DNAH8: variants seen among roughly 807,000 people sequenced by gnomAD.
The protein encoded by DNAH8 is axonemal beta dynein heavy chain 8.
DNAH8 carries 382 observed loss-of-function variants against 562.1 expected under a neutral mutation model. The observed-to-expected ratio is 0.68, with a 90% CI of 0.63 to 0.74. The LOEUF (loss-of-function observed/expected upper bound fraction) is 0.74. Ranked by LOEUF, DNAH8 falls within the 30% of genes least tolerant of loss-of-function variation. The pLI, the probability that DNAH8 is intolerant of heterozygous loss-of-function variation, is 0.00. For missense variants in DNAH8, 5,203 were observed against 5,620.4 expected (o/e 0.93, Z 2.37); for synonymous variants, 1,881 against 1,919.4 (o/e 0.98, Z 0.52).
Position 38,949,411 on chromosome 6 carries a change from C to T in DNAH8, c.12130-41C>T, listed in dbSNP as rs753540282. 5 of 1,190,918 alleles carry T rather than the reference C, an allele frequency of 4.2e-6. No individual in the cohort carries two copies. In the African/African-American group the frequency reaches 6.0e-5, roughly 14 times the overall value. The allele number at this position is 1,190,918 out of a possible 1,614,324, so 73.8% of individuals were successfully genotyped here. On this transcript the variant is annotated intron_variant, in intron 80 of 92. Transcript: ENST00000327475. Reference sequence around the variant, plus strand: ...AATCCTTTGTAATATATTCCACTTACATATAGTTCTGTGGCTTGCTAATTG... The same window carrying T: ...AATCCTTTGTAATATATTCCACTTATATATAGTTCTGTGGCTTGCTAATTG...
Position 38,862,291 on chromosome 6 carries a change from CGT to C in DNAH8, c.6144_6145del (p.Leu2049SerfsTer66), listed in dbSNP as rs1563028646. The C allele has an allele frequency of 6.2e-7, 1 of 1,613,244 alleles. No individual in the cohort carries two copies. Among genetic ancestry groups the C allele is most frequent in the Non-Finnish European group, 8.5e-7 (1 of 1,179,654 alleles). On this transcript the variant is annotated frameshift_variant, in exon 44 of 93. Coordinates refer to ENST00000327475, the MANE Select transcript of DNAH8 (RefSeq NM_001206927.2). LOFTEE classifies it high-confidence loss of function. ...ATGAACATTTGCAGATGCTATATCA[CGT>C]TAGCTCAGGCCTTGGGCATGAACAT... is the stretch of plus-strand genomic sequence containing the variant.
At chr6:38,836,860 G>C (rs1774347102) in intron 32 of DNAH8, among the ~76,000 whole-genome samples, 2 of 152,124 alleles carry the variant, frequency 1.3e-5, no homozygotes, top group African/African-American at 2.4e-5. Flanking sequence ...AGCTGATGCT[G>C]TGGGTGTTTT....
At chr6:38,870,042 G>T (rs1777347497) in intron 48 of DNAH8, among the ~76,000 whole-genome samples, 1 of 152,182 alleles carries the variant, frequency 6.6e-6, no homozygotes. Flanking sequence ...ATGGCGGCAG[G>T]CAAGAGAGCA....
At chr6:38,754,667 C>T (rs769064) in intron 9 of DNAH8, among the ~76,000 whole-genome samples, 120,261 of 152,092 alleles carry the variant, frequency 0.79, 47,804 homozygotes, top group African/African-American at 0.87. Context: ...ATTTGCATCA[C>T]GGTTAGAAGC....
At chr6:38,719,966 C>T (rs1294462393) in intron 1 of DNAH8, among the ~76,000 whole-genome samples, 1 of 152,112 alleles carries the variant, frequency 6.6e-6, no homozygotes, top group African/African-American at 2.4e-5. Flanking sequence ...CCAACAATAT[C>T]CCAAAACTCA....
At chr6:38,806,547 C>G (rs1160843677) in intron 23 of DNAH8, among the ~76,000 whole-genome samples, 1 of 152,130 alleles carries the variant, frequency 6.6e-6, no homozygotes, top group Non-Finnish European at 1.5e-5. Flanking sequence ...TGAGTACCCT[C>G]AGAACCTCTC....
rs1434129598 is a variant in DNAH8, at chr6:38,951,432, T to G, written c.12363T>G (p.Ser4121Arg). 1 of 1,614,154 alleles carries G rather than the reference T, an allele frequency of 6.2e-7. No individual in the cohort carries two copies. Among genetic ancestry groups the G allele is most frequent in the Non-Finnish European group, 8.5e-7 (1 of 1,180,016 alleles). ...ATCTGGAGAAAACTTGGGAAGAAAG[T>G]GATACCCGGACACCTCTGATATGCT... ...ILNLEKTWEE[S>R]DTRTPLICFL... Residue 4121 changes from serine (S) to arginine (R), a missense_variant, in exon 82 of 93, where the codon AGT (serine) becomes AGG (arginine). This residue lies in a region of DNAH8 where 1,399 missense variants were observed against 1,518.4 expected (regional missense o/e 0.92). Coordinates refer to ENST00000327475, the MANE Select transcript of DNAH8 (RefSeq NM_001206927.2).
At chr6:38,717,717 T>C (rs1421474658) in intron 1 of DNAH8, among the ~76,000 whole-genome samples, 2 of 152,092 alleles carry the variant, frequency 1.3e-5, no homozygotes, top group African/African-American at 2.4e-5. Context: ...TTCAATTTCT[T>C]TCACTCAGAG....
chr6:38,896,787 A>G (rs1779724880), intron 60 of DNAH8, among the ~76,000 whole-genome samples: 3 of 151,904 alleles, frequency 2.0e-5, no homozygotes, highest in South Asian at 4.2e-4. Flanking sequence ...TTATTTGTTT[A>G]TTTATTTATT....
rs376660936 is a variant in DNAH8, at chr6:38,921,359, T to C, written c.10525-10T>C. ...CAGCTAATACACTAACCACGTCTTC[T>C]TCTTTTCAGGCCAACCTGGCCAAGC... On this transcript the variant is annotated splice_polypyrimidine_tract_variant and intron_variant, in intron 70 of 92. Transcript: ENST00000327475. 1 of 1,611,462 alleles carries C rather than the reference T, an allele frequency of 6.2e-7. No individual in the cohort carries two copies. The highest frequency in any genetic ancestry group is 1.3e-5 in the African/African-American group (1 of 74,784).
chr6:38,933,612 C>T (rs1216123106), intron 76 of DNAH8, among the ~76,000 whole-genome samples: 1 of 152,180 alleles, frequency 6.6e-6, no homozygotes, highest in Non-Finnish European at 1.5e-5. Context: ...TCCATGTATT[C>T]CTATACTGCC....
At chr6:38,789,212 A>T (rs2074195656) in intron 18 of DNAH8, among the ~76,000 whole-genome samples, 1 of 152,246 alleles carries the variant, frequency 6.6e-6, no homozygotes, top group African/African-American at 2.4e-5. Flanking sequence ...AAGAGCTTTG[A>T]AACTATTAGG....
At chr6:38,853,414 G>A in intron 41 of DNAH8, 67 bp downstream of exon 41, 11 of 1,557,176 alleles carry the variant, frequency 7.1e-6, no homozygotes, top group Non-Finnish European at 9.7e-6. Context: ...ATGCTTAGCA[G>A]GTGGTTGACC....
intron 69 of DNAH8, 111 bp from the exon 70 acceptor site, chr6:38,917,814 T>C: frequency 2.5e-6 from 2 of 797,472 alleles, no homozygotes; most frequent in Non-Finnish European, 1.9e-6. Flanking sequence ...TTTGTGTATT[T>C]AGAGCAAATC....
intron 1 of DNAH8, among the ~76,000 whole-genome samples, chr6:38,721,102 T>C (rs960574445): frequency 2.6e-5 from 4 of 152,064 alleles, no homozygotes; most frequent in Admixed American, 6.6e-5. Flanking sequence ...TTAAGAATTA[T>C]TGAGTTTGTG....
intron 88 of DNAH8, among the ~76,000 whole-genome samples, chr6:38,991,330 G>A (rs865996704): frequency 2.0e-5 from 3 of 152,278 alleles, no homozygotes; most frequent in Middle Eastern, 3.4e-3. Flanking sequence ...ATGGAACCAC[G>A]AAGGTTCGTT....
intron 91 of DNAH8, among the ~76,000 whole-genome samples, chr6:39,015,413 A>C (rs938559018): frequency 2.0e-5 from 3 of 152,222 alleles, no homozygotes; most frequent in Non-Finnish European, 4.4e-5. Flanking sequence ...CTGCGTCCCC[A>C]CCCAAAACTC....
At chr6:38,980,280 T>G (rs1763937533) in intron 85 of DNAH8, among the ~76,000 whole-genome samples, 2 of 152,168 alleles carry the variant, frequency 1.3e-5, no homozygotes, top group Admixed American at 1.3e-4. Flanking sequence ...AAAATCTGGT[T>G]ACAGGACCAC....
intron 77 of DNAH8, chr6:38,936,272 G>T (rs1399423379): frequency 6.6e-6 from 1 of 151,986 alleles, no homozygotes; most frequent in Non-Finnish European, 1.5e-5. Flanking sequence ...GAAGAGCTTG[G>T]GTACCAAAGG....
Sources: allele counts gnomAD v4.1 joint callset (sites outside exome capture counted in the v4.1 genomes callset), GRCh38; gene constraint gnomAD v4.1.1; regional missense constraint gnomAD v4.1.1; transcripts MANE v1.5; gene names NCBI Gene and HGNC (gene_info 2026-07-23, HGNC 2026-07-21).